Variants in KDM4C observed in about 807,000 individuals in gnomAD.
The protein encoded by KDM4C is lysine demethylase 4C.
A neutral mutation model predicts 129.3 loss-of-function variants in KDM4C; 81 were observed. The ratio of observed to expected loss-of-function variants is 0.63; its 90% CI spans 0.52 to 0.75. KDM4C has a LOEUF of 0.75. Among genes scored for constraint, KDM4C ranks in the 30% least tolerant of loss-of-function variants. The probability of loss-of-function intolerance (pLI) is 0.00; values close to 1 mark genes in which losing one functional copy is unlikely to be tolerated. For missense variants in KDM4C, 1,457 were observed against 1,304.0 expected (o/e 1.12, Z -1.81); for synonymous variants, 573 against 456.1 (o/e 1.26, Z -3.26).
intron 1 of KDM4C, among the ~76,000 whole-genome samples, chr9:6,785,695 T>G (rs1263163050): frequency 6.6e-6 from 1 of 152,240 alleles, no homozygotes; most frequent in Non-Finnish European, 1.5e-5. Context: ...TAATCAAATA[T>G]GACCTCATGT....
At position 6,849,022 on chromosome 9, in the gene KDM4C, A is replaced by G. The variant is rs116808386; in HGVS notation, c.436-485A>G. ...GATTGAATGGATAGGGATGGGAGAGAGATAGCAGAAGATATATTTTGCTGT... is the reference window on the plus strand; with the variant it reads ...GATTGAATGGATAGGGATGGGAGAGGGATAGCAGAAGATATATTTTGCTGT... On this transcript the variant is annotated intron_variant, in intron 4 of 21. Transcript: ENST00000381309. Among the ~76,000 whole-genome samples the G allele has an allele frequency of 1.9e-3, 286 of 152,330 alleles. 3 individuals carry two copies. The highest frequency in any genetic ancestry group is 6.5e-3 in the African/African-American group (270 of 41,576).
chr9:7,140,849 G>A (rs1041129141), intron 19 of KDM4C, among the ~76,000 whole-genome samples: 1 of 152,210 alleles, frequency 6.6e-6, no homozygotes, highest in Non-Finnish European at 1.5e-5. Context: ...GTCCTGGGAT[G>A]ACAGGAATAT....
chr9:7,122,417 C>T (rs1839605179), intron 18 of KDM4C, among the ~76,000 whole-genome samples: 1 of 152,136 alleles, frequency 6.6e-6, no homozygotes, highest in African/African-American at 2.4e-5. Context: ...GATTCCAATT[C>T]AACATGAGCT....
In KDM4C at chr9:6,848,069, T is replaced by G. The variant is rs549085763; in HGVS notation, c.436-1438T>G. 2.9e-4 allele frequency among the ~76,000 whole-genome samples: 44 copies of G among 152,202 alleles called. 1 individual carries two copies. The highest frequency in any genetic ancestry group is 1.0e-3 in the African/African-American group (42 of 41,526). ...AATTTAATACCCTCAATTTTTTATT[T>G]TTAAAATAGACATGGGGTCTTGCCA... is the stretch of plus-strand genomic sequence containing the variant. On this transcript the variant is annotated intron_variant, in intron 4 of 21. Coordinates refer to ENST00000381309, the MANE Select transcript of KDM4C (RefSeq NM_015061.6).
intron 8 of KDM4C, among the ~76,000 whole-genome samples, chr9:6,946,545 A>T (rs1336233000): frequency 4.6e-5 from 7 of 152,138 alleles, no homozygotes; most frequent in African/African-American, 1.7e-4. Flanking sequence ...TAGGATTGTT[A>T]TCCACATTTA....
At chr9:6,793,993 A>C (rs1827249647) in intron 2 of KDM4C, among the ~76,000 whole-genome samples, 1 of 152,138 alleles carries the variant, frequency 6.6e-6, no homozygotes. Context: ...CATTTTCATC[A>C]TCCCCCAAAG....
chr9:6,995,806 G>A (rs1371172347), intron 12 of KDM4C, among the ~76,000 whole-genome samples: 1 of 152,018 alleles, frequency 6.6e-6, no homozygotes, highest in Non-Finnish European at 1.5e-5. Flanking sequence ...CAAGTAGCTG[G>A]GACTACAGGC....
chr9:6,892,989 A>G (rs1189166560), intron 7 of KDM4C, 106 bp from the exon 8 acceptor site: 5 of 881,934 alleles, frequency 5.7e-6, no homozygotes, highest in Non-Finnish European at 7.9e-6. Flanking sequence ...GTGCTCTGAT[A>G]TCAAGACTTT....
intron 4 of KDM4C, among the ~76,000 whole-genome samples, chr9:6,818,171 G>C (rs970098601): frequency 5.9e-5 from 9 of 152,188 alleles, no homozygotes; most frequent in Non-Finnish European, 1.3e-4. Context: ...CCACCAAAGA[G>C]TTGAGAAGGT....
At chr9:7,126,908 G>A (rs796901598) in intron 18 of KDM4C, among the ~76,000 whole-genome samples, 29 of 152,164 alleles carry the variant, frequency 1.9e-4, no homozygotes, top group African/African-American at 6.7e-4. Context: ...CAGTACGAAG[G>A]GGCTCTTATT....
At chr9:6,748,255 C>A (rs1030135184) in intron 1 of KDM4C, among the ~76,000 whole-genome samples, 2 of 151,614 alleles carry the variant, frequency 1.3e-5, no homozygotes, top group Non-Finnish European at 2.9e-5. Context: ...CGCCTGTAAT[C>A]CCAGCACTTT....
At chr9:6,866,698 A>G (rs376580204) in intron 5 of KDM4C, among the ~76,000 whole-genome samples, 39 of 152,208 alleles carry the variant, frequency 2.6e-4, no homozygotes, top group East Asian at 5.8e-4. Flanking sequence ...CCTGATCTCT[A>G]TTCTAGTGTA....
At chr9:6,869,607 T>C (rs1842557398) in intron 5 of KDM4C, among the ~76,000 whole-genome samples, 1 of 152,248 alleles carries the variant, frequency 6.6e-6, no homozygotes, top group South Asian at 2.1e-4. Flanking sequence ...AGGGCAGTGC[T>C]GGAGCTGACA....
intron 12 of KDM4C, among the ~76,000 whole-genome samples, chr9:6,992,051 C>T (rs944465665): frequency 2.0e-5 from 3 of 151,216 alleles, no homozygotes; most frequent in African/African-American, 4.9e-5. Flanking sequence ...ATACCCAGTA[C>T]AAACCATTTT....
chr9:6,745,188 T>C (rs952710357), intron 1 of KDM4C, among the ~76,000 whole-genome samples: 1 of 152,180 alleles, frequency 6.6e-6, no homozygotes. Flanking sequence ...ATTTGATCTT[T>C]GTTATGATAA....
chr9:6,830,305 A>G (rs771705763), intron 4 of KDM4C, among the ~76,000 whole-genome samples: 8 of 152,182 alleles, frequency 5.3e-5, no homozygotes, highest in Non-Finnish European at 1.0e-4. Flanking sequence ...AATCTCCCTC[A>G]TAATTCATTC....
chr9:6,815,570 C>T (rs1831930440), intron 4 of KDM4C, among the ~76,000 whole-genome samples: 1 of 152,088 alleles, frequency 6.6e-6, no homozygotes, highest in South Asian at 2.1e-4. Context: ...TAGTGCAATA[C>T]ACACCTGGAT....
In KDM4C at chr9:7,043,641, C is replaced by G. The variant is rs188515416; in HGVS notation, c.2260-3221C>G. On this transcript the variant is annotated intron_variant, in intron 15 of 21. Transcript: ENST00000381309. ...TTTGACCCTCTGAGGGCCATTGAGT[C>G]AAACAAATGATGTAACTTGACATGA... Among the ~76,000 whole-genome samples the G allele has an allele frequency of 3.3e-5, 5 of 151,294 alleles. No homozygotes were observed. The East Asian group carries it at 9.8e-4, about 30-fold the overall frequency.
intron 3 of KDM4C, among the ~76,000 whole-genome samples, chr9:6,812,413 C>T (rs1008699425): frequency 3.9e-5 from 6 of 152,070 alleles, no homozygotes; most frequent in Non-Finnish European, 8.8e-5. Flanking sequence ...GGGCAGTGGT[C>T]CCCAACCTTT....
Sources: gnomAD v4.1 joint callset for allele counts (sites outside exome capture counted in the v4.1 genomes callset) on GRCh38, gnomAD v4.1.1 for gene constraint, MANE v1.5 for transcripts, NCBI Gene and HGNC (gene_info 2026-07-23, HGNC 2026-07-21) for gene names.